The following MNDA variants were observed in gnomAD, a reference collection of about 807,000 sequenced individuals.
MNDA encodes the protein myeloid cell nuclear differentiation antigen, also known as epididymis secretory sperm binding protein.
In MNDA, 43 loss-of-function variants were observed where a neutral mutation model predicts 37.8. The ratio of observed to expected loss-of-function variants is 1.14; its 90% CI spans 0.89 to 1.47. MNDA has a LOEUF of 1.47. MNDA is among the 40% of genes most tolerant of loss of function. The pLI is 0.00. For synonymous variants in MNDA, 181 were observed against 169.0 expected, an observed-to-expected ratio of 1.07 and a Z score of -0.55; for missense variants, 536 against 476.0, an observed-to-expected ratio of 1.13 and a Z score of -1.17.
In MNDA at chr1:158,839,590, C is replaced by T. The variant is rs374867302; in HGVS notation, c.-20-2544C>T. On this transcript the variant is annotated intron_variant, in intron 1 of 6. Coordinates refer to ENST00000368141, the MANE Select transcript of MNDA (RefSeq NM_002432.3). ...AGTTACTAGTCCCTCAAGGAACCTACAGAGAAGCTATAATGTTGCAAAGCA... is the reference window on the plus strand; with the variant it reads ...AGTTACTAGTCCCTCAAGGAACCTATAGAGAAGCTATAATGTTGCAAAGCA... 4.6e-4 allele frequency among the ~76,000 whole-genome samples: 70 copies of T among 152,288 alleles called. No homozygotes were observed. The South Asian group carries it at 0.01, about 23-fold the overall frequency.
rs911687075 is a variant in MNDA, at chr1:158,831,488, T to G, written c.-90T>G. 8 of 152,200 alleles carry G rather than the reference T, an allele frequency of 5.3e-5. No homozygotes were observed. The highest frequency in any genetic ancestry group is 1.9e-4 in the African/African-American group (8 of 41,466). The allele number at this position is 152,200 out of a possible 1,614,324, so 9.4% of individuals were successfully genotyped here. A position where few individuals can be genotyped will look rare whatever the true frequency, so the allele number is the denominator to read the frequency against. On this transcript the variant is annotated 5_prime_UTR_variant, in exon 1 of 7. Transcript: ENST00000368141. ...AATCTCTCCAAAGCTTTACGGACAG[T>G]GATTCTGTCCTAAACAAGACAGTGA...
At chr1:158,843,436 C>G (rs1276306449) in intron 3 of MNDA, 21 bp downstream of exon 3, 2 of 1,585,636 alleles carry the variant, frequency 1.3e-6, no homozygotes, top group South Asian at 2.3e-5. Context: ...GAAAGAGGAG[C>G]AGGACTGAAG....
At chr1:158,832,217 T>C (rs1243999485) in intron 1 of MNDA, among the ~76,000 whole-genome samples, 1 of 152,070 alleles carries the variant, frequency 6.6e-6, no homozygotes, top group Non-Finnish European at 1.5e-5. Flanking sequence ...TTTCCTACTT[T>C]GGGATACATT....
At chr1:158,842,918 T>C (rs1328952156) in intron 2 of MNDA, among the ~76,000 whole-genome samples, 1 of 152,140 alleles carries the variant, frequency 6.6e-6, no homozygotes, top group Non-Finnish European at 1.5e-5. Context: ...TGAACAGATA[T>C]TGCACAGAAC....
chr1:158,844,849 A>G (rs1659101893), intron 4 of MNDA, among the ~76,000 whole-genome samples: 1 of 151,990 alleles, frequency 6.6e-6, no homozygotes, highest in Non-Finnish European at 1.5e-5. Context: ...CACTTTGTTG[A>G]TTGTCTTTGA....
chr1:158,847,811 C>A lies in MNDA; in HGVS notation c.1071C>A (p.His357Gln), dbSNP rs758918974. 27 of 1,613,960 alleles carry A rather than the reference C, an allele frequency of 1.7e-5. No homozygotes were observed. The East Asian group carries it at 3.6e-4, about 21-fold the overall frequency. Residue 357 changes from histidine (H) to glutamine (Q), a missense_variant, in exon 6 of 7, where the codon CAC becomes CAA. Transcript: ENST00000368141. ...ATGTAGTGGGGAGTGGAAAATGGCA[C>A]AATATCAAGTGTGAGAAAGGAGATA... ...SMDVVGSGKW[H>Q]NIKCEKGDKL... is the part of the protein sequence containing the mutation.
Position 158,835,594 on chromosome 1 carries a change from C to G in MNDA, c.-21+4037C>G, listed in dbSNP as rs976067988. Among the ~76,000 whole-genome samples the G allele has an allele frequency of 5.2e-5, 5 of 95,260 alleles. No homozygotes were observed. The East Asian group carries it at 1.3e-3, about 25-fold the overall frequency. The allele number at this position is 95,260 out of a possible 152,430, so 62.5% of individuals were successfully genotyped here. A position where few individuals can be genotyped will look rare whatever the true frequency, so the allele number is the denominator to read the frequency against. On this transcript the variant is annotated intron_variant, in intron 1 of 6. Transcript: ENST00000368141. The stretch of plus-strand genomic sequence containing the variant: ...TTCTTATTTGGATATTTTATATTTT[C>G]TGTTTATTGCCTATTTTTGGTGGGG...
intron 1 of MNDA, among the ~76,000 whole-genome samples, chr1:158,837,289 A>G (rs1415002712): frequency 6.6e-6 from 1 of 151,748 alleles, no homozygotes; most frequent in Non-Finnish European, 1.5e-5. Flanking sequence ...TGTTCTACCT[A>G]TTATTGAAAG....
chr1:158,832,411 A>C (rs775888716), intron 1 of MNDA, among the ~76,000 whole-genome samples: 4 of 151,858 alleles, frequency 2.6e-5, no homozygotes, highest in Admixed American at 1.3e-4. Context: ...TTGTTCTTTC[A>C]GTAACTGAGA....
At chr1:158,841,062 G>T (rs1364002580) in intron 1 of MNDA, among the ~76,000 whole-genome samples, 1 of 151,990 alleles carries the variant, frequency 6.6e-6, no homozygotes, top group Non-Finnish European at 1.5e-5. Flanking sequence ...AGTGAGAGTG[G>T]GACCACAACA....
At chr1:158,839,018 C>A (rs541782098) in intron 1 of MNDA, among the ~76,000 whole-genome samples, 106 of 152,170 alleles carry the variant, frequency 7.0e-4, no homozygotes, top group South Asian at 1.5e-3. Flanking sequence ...TCCTTTAACT[C>A]ATTTATCATA....
intron 6 of MNDA, among the ~76,000 whole-genome samples, chr1:158,848,690 GTGTC>G (rs1659191333): frequency 6.6e-6 from 1 of 152,114 alleles, no homozygotes; most frequent in Non-Finnish European, 1.5e-5. Context: ...AAATATTCCG[GTGTC>G]TATCTATGGA....
rs748799309 is a variant in MNDA at position 158,845,702 on chromosome 1, A to G, written c.686A>G (p.Glu229Gly). The G allele has an allele frequency of 1.2e-6, 2 of 1,614,130 alleles. No individual in the cohort carries two copies. Among genetic ancestry groups the G allele is most frequent in the Non-Finnish European group, 1.7e-6 (2 of 1,179,990 alleles). The change falls in exon 5 of 7, where the codon GAA becomes GGA. Residue 229 changes from glutamate (E) to glycine (G), a missense_variant. Transcript: ENST00000368141. Reference protein sequence around the residue: ...ATAPFKYESPENGKSTMFHAT... With the variant: ...ATAPFKYESPGNGKSTMFHAT... ...GCGCCATTTAAATACGAGTCCCCAGAAAATGGGAAAAGCACAATGTTTCAT... is the reference window on the plus strand; with the variant it reads ...GCGCCATTTAAATACGAGTCCCCAGGAAATGGGAAAAGCACAATGTTTCAT...
intron 1 of MNDA, among the ~76,000 whole-genome samples, chr1:158,840,352 AT>A (rs1375732916): frequency 1.3e-5 from 2 of 152,138 alleles, no homozygotes; most frequent in Non-Finnish European, 2.9e-5. Context: ...GAAACTTACA[AT>A]CATGATGGAA....
At chr1:158,833,031 G>T (rs1032429535) in intron 1 of MNDA, among the ~76,000 whole-genome samples, 3 of 151,968 alleles carry the variant, frequency 2.0e-5, no homozygotes, top group Non-Finnish European at 2.9e-5. Flanking sequence ...TTAAAGACAA[G>T]CCCCTTAGCA....
In MNDA at chr1:158,835,961, C is replaced by T. The variant is rs1342932854; in HGVS notation, c.-21+4404C>T. On this transcript the variant is annotated intron_variant, in intron 1 of 6. Coordinates refer to ENST00000368141, the MANE Select transcript of MNDA (RefSeq NM_002432.3). ...TTGATTTTTACAAGTGAAAAATGAG[C>T]ATCTGTGTATTTTTCCTCATCTTTC... Among the ~76,000 whole-genome samples, 3 of 151,516 alleles carry T rather than the reference C, an allele frequency of 2.0e-5. No individual in the cohort carries two copies. In the East Asian group the frequency reaches 5.8e-4, roughly 29 times the overall value.
At chr1:158,839,008 TCC>T (rs1405624539) in intron 1 of MNDA, among the ~76,000 whole-genome samples, 5 of 152,332 alleles carry the variant, frequency 3.3e-5, no homozygotes, top group African/African-American at 1.2e-4. Flanking sequence ...CTACCTATTT[TCC>T]TTTAACTCAT....
rs142166364 is a variant in MNDA at position 158,842,299 on chromosome 1, C to T, written c.146C>T (p.Thr49Ile). 53 of 1,614,016 alleles carry T rather than the reference C, an allele frequency of 3.3e-5. No homozygotes were observed. The highest frequency in any genetic ancestry group is 4.2e-5 in the Non-Finnish European group (49 of 1,180,002). Residue 49 changes from threonine to isoleucine, a missense_variant, in exon 2 of 7, where the codon ACA becomes ATA. Transcript: ENST00000368141. ...GAGGAATACAACAGAATTAAGATTACAGATTTGATGGAAAAAAAGTTCCAA... is the reference window on the plus strand; with the variant it reads ...GAGGAATACAACAGAATTAAGATTATAGATTTGATGGAAAAAAAGTTCCAA... ...MQEEYNRIKI[T>I]DLMEKKFQGV...
intron 6 of MNDA, 100 bp downstream of exon 6, chr1:158,848,016 A>G: frequency 9.3e-7 from 1 of 1,075,124 alleles, no homozygotes; most frequent in Non-Finnish European, 1.4e-6. Flanking sequence ...CAGAGAGTCC[A>G]GCGAGTGGAA....
Sources: gnomAD v4.1 joint callset for allele counts (sites outside exome capture counted in the v4.1 genomes callset) on GRCh38, gnomAD v4.1.1 for gene constraint, MANE v1.5 for transcripts, NCBI Gene and HGNC (gene_info 2026-07-23, HGNC 2026-07-21) for gene names.